Variants in KCNIP4 observed in about 807,000 individuals in gnomAD.
KCNIP4 encodes potassium voltage-gated channel interacting protein 4, also known as Kv channel-interacting protein 4.
In KCNIP4, 12 loss-of-function variants were observed where a neutral mutation model predicts 34.0. That is an observed-to-expected ratio of 0.35 (90% CI 0.23 to 0.57). The LOEUF (loss-of-function observed/expected upper bound fraction) is 0.57, where lower values mean the gene tolerates loss of function less well. Among genes scored for constraint, KCNIP4 ranks in the 20% least tolerant of loss-of-function variants. The pLI, the probability that KCNIP4 is intolerant of heterozygous loss-of-function variation, is 0.83. For missense variants in KCNIP4, 238 were observed against 311.7 expected (o/e 0.76, Z 1.78); for synonymous variants, 124 against 102.2 (o/e 1.21, Z -1.29).
At chr4:21,060,825 T>C (rs1743851850) in intron 1 of KCNIP4, among the ~76,000 whole-genome samples, 1 of 152,208 alleles carries the variant, frequency 6.6e-6, no homozygotes, top group Non-Finnish European at 1.5e-5. Context: ...AACACCTGTT[T>C]AGACTTTACA....
At chr4:21,629,186 AG>A (rs1194611819) in intron 1 of KCNIP4, among the ~76,000 whole-genome samples, 1 of 152,220 alleles carries the variant, frequency 6.6e-6, no homozygotes, top group African/African-American at 2.4e-5. Flanking sequence ...GCAAAAGAAA[AG>A]CTTGGGCCTG....
chr4:21,706,877 C>T lies in KCNIP4; in HGVS notation c.61+241694G>A, dbSNP rs543132805. 7.2e-5 allele frequency among the ~76,000 whole-genome samples: 11 copies of T among 152,272 alleles called. No homozygotes were observed. The East Asian group carries it at 1.4e-3, about 19-fold the overall frequency. Reference sequence around the variant, plus strand: ...CAAAGAGAAGCAGAGCAGAGCCTTGCGGCAAAGTCACAGGTTTTGAAAGTG... The same window carrying T: ...CAAAGAGAAGCAGAGCAGAGCCTTGTGGCAAAGTCACAGGTTTTGAAAGTG... On this transcript the variant is annotated intron_variant, in intron 1 of 8. Coordinates refer to ENST00000382152, the MANE Select transcript of KCNIP4 (RefSeq NM_025221.6).
chr4:20,729,465 A>AATAAACTAATTTTTAAATGTTTAAT lies in KCNIP4; in HGVS notation c.*592_*616dup, dbSNP rs1747241424. 1.5e-5 allele frequency: 2 copies of AATAAACTAATTTTTAAATGTTTAAT among 131,190 alleles called. No individual in the cohort carries two copies. Among genetic ancestry groups the AATAAACTAATTTTTAAATGTTTAAT allele is most frequent in the African/African-American group, 2.6e-5 (1 of 38,356 alleles). The allele number at this position is 131,190 out of a possible 1,614,324, so 8.1% of individuals were successfully genotyped here. A position where few individuals can be genotyped will look rare whatever the true frequency, so the allele number is the denominator to read the frequency against. ...TATTAGGCATATGCTGATATCTGAT[A>AATAAACTAATTTTTAAATGTTTAAT]ATAAACTAATTTTTAAATGTTTAAT... is the stretch of plus-strand genomic sequence containing the variant. On this transcript the variant is annotated 3_prime_UTR_variant, in exon 9 of 9. Coordinates refer to ENST00000382152, the MANE Select transcript of KCNIP4 (RefSeq NM_025221.6).
chr4:21,908,419 C>T (rs565044250), intron 1 of KCNIP4, among the ~76,000 whole-genome samples: 5 of 152,246 alleles, frequency 3.3e-5, no homozygotes, highest in African/African-American at 4.8e-5. Context: ...GATCAAATTC[C>T]CCTGTGATGG....
intron 1 of KCNIP4, among the ~76,000 whole-genome samples, chr4:21,918,212 G>T (rs567456442): frequency 1.3e-5 from 2 of 152,110 alleles, no homozygotes; most frequent in Non-Finnish European, 2.9e-5. Context: ...CTACATCAGA[G>T]TGAAACTAAA....
At chr4:21,182,342 G>C (rs941953099) in intron 1 of KCNIP4, among the ~76,000 whole-genome samples, 1 of 152,004 alleles carries the variant, frequency 6.6e-6, no homozygotes, top group African/African-American at 2.4e-5. Flanking sequence ...GTCTCTTCAG[G>C]GGGACTGACA....
At chr4:20,973,283 C>T (rs750056964) in intron 1 of KCNIP4, among the ~76,000 whole-genome samples, 5 of 152,228 alleles carry the variant, frequency 3.3e-5, no homozygotes, top group Non-Finnish European at 7.3e-5. Context: ...GCTTTGCACT[C>T]TTATGTTATG....
intron 1 of KCNIP4, among the ~76,000 whole-genome samples, chr4:21,653,606 G>A (rs1028118419): frequency 6.6e-6 from 1 of 152,270 alleles, no homozygotes; most frequent in African/African-American, 2.4e-5. Flanking sequence ...ACATGTTGTA[G>A]AGCCTTATGA....
intron 1 of KCNIP4, among the ~76,000 whole-genome samples, chr4:21,555,327 G>A (rs1738923847): frequency 6.6e-6 from 1 of 152,110 alleles, no homozygotes; most frequent in African/African-American, 2.4e-5. Flanking sequence ...ATGCACATGA[G>A]TTCTGAAAAT....
intron 1 of KCNIP4, among the ~76,000 whole-genome samples, chr4:21,796,572 A>G (rs575372175): frequency 4.5e-4 from 68 of 152,368 alleles, no homozygotes; most frequent in Non-Finnish European, 7.6e-4. Flanking sequence ...GTACCCTTAA[A>G]GATAATGAGC....
chr4:20,880,285 G>A (rs111445018), intron 2 of KCNIP4, among the ~76,000 whole-genome samples: 1 of 152,012 alleles, frequency 6.6e-6, no homozygotes. Flanking sequence ...CTGAACATGA[G>A]AGACTTTTGC....
chr4:21,178,829 T>G (rs1489809537), intron 1 of KCNIP4, among the ~76,000 whole-genome samples: 1 of 150,376 alleles, frequency 6.6e-6, no homozygotes, highest in Non-Finnish European at 1.5e-5. Context: ...TTTTTTTTTT[T>G]TTTTTGTTTT....
chr4:21,390,294 C>T lies in KCNIP4; in HGVS notation c.62-507585G>A, dbSNP rs557746541. On this transcript the variant is annotated intron_variant, in intron 1 of 8. Transcript: ENST00000382152. Reference sequence around the variant, plus strand: ...GGTGGTTTCTTTTGCTGTGCAGAAGCTCTTTAGTTTACTTAGATCCCAATT... The same window carrying T: ...GGTGGTTTCTTTTGCTGTGCAGAAGTTCTTTAGTTTACTTAGATCCCAATT... Among the ~76,000 whole-genome samples, 4 of 152,240 alleles carry T rather than the reference C, an allele frequency of 2.6e-5. No individual in the cohort carries two copies. In the East Asian group the frequency reaches 7.7e-4, roughly 29 times the overall value.
intron 1 of KCNIP4, among the ~76,000 whole-genome samples, chr4:21,531,817 C>G (rs995743459): frequency 6.6e-6 from 1 of 151,342 alleles, no homozygotes; most frequent in African/African-American, 2.4e-5. Flanking sequence ...TTTTTTTTAA[C>G]CTAGTATTTT....
At chr4:20,914,001 C>T (rs2149574370) in intron 1 of KCNIP4, among the ~76,000 whole-genome samples, 1 of 152,002 alleles carries the variant, frequency 6.6e-6, no homozygotes, top group South Asian at 2.1e-4. Flanking sequence ...ACTAAAAATA[C>T]AAAAAATTAG....
intron 1 of KCNIP4, among the ~76,000 whole-genome samples, chr4:21,197,277 A>T (rs1316641733): frequency 6.6e-6 from 1 of 152,152 alleles, no homozygotes; most frequent in Non-Finnish European, 1.5e-5. Flanking sequence ...TATAACTAGG[A>T]GTGGAATTGC....
chr4:21,377,367 C>T (rs1721050734), intron 1 of KCNIP4, among the ~76,000 whole-genome samples: 1 of 152,158 alleles, frequency 6.6e-6, no homozygotes, highest in Admixed American at 6.6e-5. Context: ...AGACCAAGTC[C>T]AGCTAAGACA....
chr4:21,312,765 T>C (rs533493380), intron 1 of KCNIP4, among the ~76,000 whole-genome samples: 2 of 152,274 alleles, frequency 1.3e-5, no homozygotes, highest in South Asian at 4.1e-4. Context: ...ATACCAACTT[T>C]AGTAGAGACA....
intron 1 of KCNIP4, among the ~76,000 whole-genome samples, chr4:21,443,402 C>A (rs536875518): frequency 2.6e-5 from 4 of 152,252 alleles, no homozygotes; most frequent in Non-Finnish European, 5.9e-5. Context: ...ATGGTTAATT[C>A]TATGTTTCAA....
Sources: gnomAD v4.1 joint callset for allele counts (sites outside exome capture counted in the v4.1 genomes callset) on GRCh38, gnomAD v4.1.1 for gene constraint, MANE v1.5 for transcripts, NCBI Gene and HGNC (gene_info 2026-07-23, HGNC 2026-07-21) for gene names.